HECW1: variants seen among roughly 807,000 people sequenced by gnomAD.
The protein encoded by HECW1 is HECT, C2 and WW domain containing E3 ubiquitin protein ligase 1, also known as E3 ubiquitin-protein ligase HECW1.
Under a neutral mutation model 182.3 loss-of-function variants are expected in HECW1, and 61 were observed. The observed-to-expected ratio is 0.33, with a 90% CI of 0.27 to 0.41. The LOEUF is 0.41. Ranked by LOEUF, HECW1 falls within the 10% of genes least tolerant of loss-of-function variation. HECW1 has a pLI of 1.00. For synonymous variants in HECW1, 859 were observed against 832.6 expected (o/e 1.03, Z -0.55); for missense variants, 1,739 against 2,108.9 (o/e 0.82, Z 3.44).
At chr7:43,198,839 TG>T (rs1794774980) in intron 2 of HECW1, among the ~76,000 whole-genome samples, 1 of 152,164 alleles carries the variant, frequency 6.6e-6, no homozygotes. Context: ...GAGATCCCTT[TG>T]GGCTGGCCAT....
intron 16 of HECW1, among the ~76,000 whole-genome samples, chr7:43,473,419 G>A (rs575772871): frequency 2.0e-5 from 3 of 152,282 alleles, no homozygotes; most frequent in South Asian, 2.1e-4. Context: ...ATCAAAGCAC[G>A]ACATTAATAG....
Position 43,444,908 on chromosome 7 carries a change from C to A in HECW1, c.1736C>A (p.Ala579Glu). Residue 579 changes from alanine (A) to glutamate (E), a missense_variant, in exon 11 of 30, where the codon GCA (alanine) becomes GAA (glutamate). Ala to Glu is a moderately radical substitution (Grantham distance 107). Transcript: ENST00000395891. The surrounding 1 kb of genome is among the most constrained non-coding windows in gnomAD (Gnocchi z 4.3). Reference protein sequence around the residue: ...SMPSAQGGSAAEEEDGAEEES... With the variant: ...SMPSAQGGSAEEEEDGAEEES... Reference sequence around the variant, plus strand: ...CCCTCCGCCCAGGGCGGCAGCGCGGCAGAGGAGGAGGACGGCGCGGAGGAG... The same window carrying A: ...CCCTCCGCCCAGGGCGGCAGCGCGGAAGAGGAGGAGGACGGCGCGGAGGAG... 1.2e-6 allele frequency: 2 copies of A among 1,601,466 alleles called. No individual in the cohort carries two copies. The highest frequency in any genetic ancestry group is 8.5e-7 in the Non-Finnish European group (1 of 1,172,784).
At chr7:43,388,031 T>C (rs2074869509) in intron 6 of HECW1, among the ~76,000 whole-genome samples, 1 of 152,214 alleles carries the variant, frequency 6.6e-6, no homozygotes, top group Non-Finnish European at 1.5e-5. Context: ...TTTATTATGA[T>C]CTCCATTTGA....
At chr7:43,217,233 C>T (rs2152699985) in intron 2 of HECW1, among the ~76,000 whole-genome samples, 1 of 152,314 alleles carries the variant, frequency 6.6e-6, no homozygotes, top group East Asian at 1.9e-4. Context: ...TTTCTCATCT[C>T]TTCATATTTT....
chr7:43,140,557 T>C (rs928354790), intron 2 of HECW1, among the ~76,000 whole-genome samples: 2 of 152,216 alleles, frequency 1.3e-5, no homozygotes, highest in African/African-American at 2.4e-5. Flanking sequence ...TTATCTTCTT[T>C]TGTTACTTTT....
intron 2 of HECW1, among the ~76,000 whole-genome samples, chr7:43,209,988 T>C (rs1343297966): frequency 1.3e-5 from 2 of 152,146 alleles, no homozygotes; most frequent in Admixed American, 6.5e-5. Context: ...ACTCTGAACT[T>C]TGGGCTCTTC....
At chr7:43,538,056 G>C (rs1466385682) in intron 24 of HECW1, among the ~76,000 whole-genome samples, 1 of 152,190 alleles carries the variant, frequency 6.6e-6, no homozygotes, top group Non-Finnish European at 1.5e-5. Context: ...TCGAGACTCA[G>C]ATTTCTTCCC....
At chr7:43,177,551 G>A (rs1019995913) in intron 2 of HECW1, among the ~76,000 whole-genome samples, 1 of 152,170 alleles carries the variant, frequency 6.6e-6, no homozygotes, top group Non-Finnish European at 1.5e-5. Context: ...ATGTATTGTG[G>A]TTTTAAAAAA....
At chr7:43,392,173 A>G (rs1028120163) in intron 6 of HECW1, among the ~76,000 whole-genome samples, 1 of 152,252 alleles carries the variant, frequency 6.6e-6, no homozygotes, top group Non-Finnish European at 1.5e-5. Flanking sequence ...AATAAGACTC[A>G]GTGACATAAT....
intron 2 of HECW1, among the ~76,000 whole-genome samples, chr7:43,209,072 G>T (rs1795751044): frequency 6.6e-6 from 1 of 152,182 alleles, no homozygotes; most frequent in Admixed American, 6.5e-5. Flanking sequence ...GGCAGGTAGG[G>T]CAGGGTTAGG....
At chr7:43,459,026 G>C (rs973752567) in intron 13 of HECW1, among the ~76,000 whole-genome samples, 2 of 152,136 alleles carry the variant, frequency 1.3e-5, no homozygotes, top group South Asian at 2.1e-4. Flanking sequence ...CCCCAGACGC[G>C]GCACACTCTT....
chr7:43,160,580 G>A (rs930413095), intron 2 of HECW1, among the ~76,000 whole-genome samples: 6 of 152,046 alleles, frequency 3.9e-5, no homozygotes, highest in Admixed American at 6.6e-5. Context: ...TTTATTCATC[G>A]CAAAGTCTTC....
chr7:43,293,230 AAAAAAAG>A (rs1805633101), intron 3 of HECW1, among the ~76,000 whole-genome samples: 1 of 151,082 alleles, frequency 6.6e-6, no homozygotes. Context: ...AAAAAAAAAA[AAAAAAAG>A]AAAAGAAAAG....
At chr7:43,410,272 G>A (rs1442477195) in intron 8 of HECW1, among the ~76,000 whole-genome samples, 5 of 152,204 alleles carry the variant, frequency 3.3e-5, no homozygotes, top group Admixed American at 3.3e-4. Flanking sequence ...GCACGGTTGG[G>A]TTCTGGTGAG....
intron 5 of HECW1, among the ~76,000 whole-genome samples, chr7:43,333,989 G>A (rs1309186307): frequency 6.6e-6 from 1 of 152,218 alleles, no homozygotes; most frequent in East Asian, 1.9e-4. Context: ...GGAAACGGAT[G>A]TTAGAAAAGC....
intron 2 of HECW1, among the ~76,000 whole-genome samples, chr7:43,228,380 A>C (rs1290168672): frequency 2.0e-5 from 3 of 152,172 alleles, no homozygotes; most frequent in African/African-American, 4.8e-5. Flanking sequence ...TCATATACTT[A>C]AGTAAAAAAT....
At chr7:43,371,461 A>G (rs1340033255) in intron 6 of HECW1, among the ~76,000 whole-genome samples, 1 of 152,188 alleles carries the variant, frequency 6.6e-6, no homozygotes, top group Non-Finnish European at 1.5e-5. Flanking sequence ...AACCTGCTGT[A>G]AAATAAATGA....
intron 8 of HECW1, among the ~76,000 whole-genome samples, chr7:43,429,319 T>TATAC (rs2076465254): frequency 1.0e-5 from 1 of 96,964 alleles, no homozygotes; most frequent in Admixed American, 1.0e-4. Context: ...TATATATATA[T>TATAC]ATATATATAT....
chr7:43,218,854 G>A (rs924990232), intron 2 of HECW1, among the ~76,000 whole-genome samples: 2 of 152,182 alleles, frequency 1.3e-5, no homozygotes, highest in Admixed American at 1.3e-4. Flanking sequence ...CACACGTGGA[G>A]TGGTTTTAAG....
Sources: gnomAD v4.1 joint callset for allele counts (sites outside exome capture counted in the v4.1 genomes callset) on GRCh38, gnomAD v4.1.1 for gene constraint, Gnocchi (gnomAD v3.1) non-coding constraint, MANE v1.5 for transcripts, NCBI Gene and HGNC (gene_info 2026-07-23, HGNC 2026-07-21) for gene names.